The following CSMD1 variants were observed in gnomAD, a reference collection of about 807,000 sequenced individuals.
CSMD1 encodes the protein CUB and Sushi multiple domains 1.
Under a neutral mutation model 417.5 loss-of-function variants are expected in CSMD1, and 213 were observed. The ratio of observed to expected loss-of-function variants is 0.51; its 90% CI spans 0.46 to 0.57. The LOEUF (loss-of-function observed/expected upper bound fraction) is 0.57. Among genes scored for constraint, CSMD1 ranks in the 20% least tolerant of loss-of-function variants. The probability of loss-of-function intolerance (pLI) is 0.00; values close to 1 mark genes in which losing one functional copy is unlikely to be tolerated. For synonymous variants in CSMD1, 2,862 were observed against 1,736.8 expected (o/e 1.65, Z -16.11); for missense variants, 6,923 against 4,529.7 (o/e 1.53, Z -15.17).
chr8:3,127,184 G>A (rs1449908389), intron 41 of CSMD1, among the ~76,000 whole-genome samples: 1 of 152,080 alleles, frequency 6.6e-6, no homozygotes, highest in Non-Finnish European at 1.5e-5. Context: ...GCGGGGATGG[G>A]GATTGCTACA....
At chr8:4,150,166 T>C (rs1425856024) in intron 3 of CSMD1, among the ~76,000 whole-genome samples, 1 of 152,146 alleles carries the variant, frequency 6.6e-6, no homozygotes, top group African/African-American at 2.4e-5. Flanking sequence ...ATAGACAAAA[T>C]CCAGGTATGT....
At chr8:4,435,279 C>T (rs1211396501) in intron 2 of CSMD1, among the ~76,000 whole-genome samples, 1 of 152,168 alleles carries the variant, frequency 6.6e-6, no homozygotes, top group Non-Finnish European at 1.5e-5. Context: ...AATCCACCTA[C>T]TGTTCACAAA....
At chr8:3,633,006 T>C (rs1272244890) in intron 7 of CSMD1, among the ~76,000 whole-genome samples, 1 of 152,240 alleles carries the variant, frequency 6.6e-6, no homozygotes, top group Non-Finnish European at 1.5e-5. Context: ...GAGAGATATG[T>C]TTCCTCAGTG....
chr8:4,910,777 AT>A, intron 1 of CSMD1, among the ~76,000 whole-genome samples: 2 of 152,372 alleles, frequency 1.3e-5, no homozygotes, highest in Non-Finnish European at 2.9e-5. Context: ...CAAGGACCTT[AT>A]AAGGTGGGAA....
At chr8:4,984,940 T>G (rs576915853) in intron 1 of CSMD1, among the ~76,000 whole-genome samples, 1 of 152,152 alleles carries the variant, frequency 6.6e-6, no homozygotes, top group Non-Finnish European at 1.5e-5. Context: ...GGAAGACCAC[T>G]GGCAAAGTCA....
At chr8:4,028,014 G>C (rs1161516098) in intron 4 of CSMD1, among the ~76,000 whole-genome samples, 1 of 152,194 alleles carries the variant, frequency 6.6e-6, no homozygotes, top group Non-Finnish European at 1.5e-5. Context: ...AGAACAGTCT[G>C]TGGAAAGCAG....
intron 3 of CSMD1, among the ~76,000 whole-genome samples, chr8:4,161,016 G>C (rs983261194): frequency 2.0e-5 from 3 of 151,896 alleles, no homozygotes; most frequent in Non-Finnish European, 4.4e-5. Context: ...TCTTCTTCTG[G>C]TTTGCATTAA....
intron 3 of CSMD1, among the ~76,000 whole-genome samples, chr8:4,387,067 A>T (rs998042891): frequency 3.3e-5 from 5 of 152,186 alleles, no homozygotes; most frequent in African/African-American, 1.2e-4. Flanking sequence ...CATAAAACGG[A>T]TGCACAGAAT....
At chr8:4,391,169 A>AC (rs1460112315) in intron 3 of CSMD1, among the ~76,000 whole-genome samples, 1 of 152,168 alleles carries the variant, frequency 6.6e-6, no homozygotes, top group Non-Finnish European at 1.5e-5. Flanking sequence ...TATGGCAAGA[A>AC]CTATTCTTCA....
intron 10 of CSMD1, among the ~76,000 whole-genome samples, chr8:3,536,803 C>A (rs1442585489): frequency 6.6e-6 from 1 of 152,172 alleles, no homozygotes; most frequent in East Asian, 1.9e-4. Context: ...ACCGGGAATG[C>A]TGTTAGGTTT....
chr8:4,671,938 A>C (rs545595944), intron 1 of CSMD1, among the ~76,000 whole-genome samples: 2 of 152,316 alleles, frequency 1.3e-5, no homozygotes, highest in Non-Finnish European at 2.9e-5. Context: ...CAGCTTTCTC[A>C]GTAGGGAGCA....
intron 3 of CSMD1, among the ~76,000 whole-genome samples, chr8:4,257,053 T>A (rs1281970494): frequency 6.6e-6 from 1 of 152,172 alleles, no homozygotes; most frequent in Non-Finnish European, 1.5e-5. Flanking sequence ...GCCTGTGTCA[T>A]CATTTTAAAA....
At chr8:3,478,768 C>A (rs1205869196) in intron 11 of CSMD1, among the ~76,000 whole-genome samples, 1 of 152,120 alleles carries the variant, frequency 6.6e-6, no homozygotes, top group Non-Finnish European at 1.5e-5. Context: ...CCAAGGAAGT[C>A]TTCATGTTCC....
chr8:4,817,985 T>A (rs933453910), intron 1 of CSMD1, among the ~76,000 whole-genome samples: 1 of 152,318 alleles, frequency 6.6e-6, no homozygotes, highest in East Asian at 1.9e-4. Flanking sequence ...AAATTTCACA[T>A]TGAGGTATTA....
rs142922130 is a variant in CSMD1, at chr8:3,457,186, G to A, written c.1561+11526C>T. On this transcript the variant is annotated intron_variant, in intron 12 of 69. Coordinates refer to ENST00000635120, the MANE Select transcript of CSMD1 (RefSeq NM_033225.6). Reference sequence around the variant, plus strand: ...TACCTCTCTTCCTGGACTCCTCATCGTGGACTCCTAACCTGGACCCCCTCA... The same window carrying A: ...TACCTCTCTTCCTGGACTCCTCATCATGGACTCCTAACCTGGACCCCCTCA... 4.6e-4 allele frequency among the ~76,000 whole-genome samples: 69 copies of A among 150,638 alleles called. 1 individual carries two copies. Among genetic ancestry groups the A allele is most frequent in the Admixed American group, 8.6e-4 (13 of 15,104 alleles).
intron 25 of CSMD1, among the ~76,000 whole-genome samples, chr8:3,296,003 C>G (rs1271577168): frequency 6.6e-6 from 1 of 152,038 alleles, no homozygotes. Context: ...AGGCAAACCA[C>G]AGCATCCACA....
chr8:4,119,629 C>T (rs564352873), intron 3 of CSMD1, among the ~76,000 whole-genome samples: 2 of 152,088 alleles, frequency 1.3e-5, no homozygotes, highest in African/African-American at 4.8e-5. Flanking sequence ...TCTGTCTGTG[C>T]TCTGTGAGGA....
intron 66 of CSMD1, 66 bp from the exon 67 acceptor site, chr8:2,950,409 T>C: frequency 1.1e-6 from 1 of 920,920 alleles, no homozygotes; most frequent in Non-Finnish European, 1.8e-6. Flanking sequence ...TTTAATCCAT[T>C]TGATGTGGAA....
chr8:4,985,292 C>G (rs139659443), intron 1 of CSMD1, among the ~76,000 whole-genome samples: 4 of 151,978 alleles, frequency 2.6e-5, no homozygotes, highest in Non-Finnish European at 5.9e-5. Context: ...ATGATATAAT[C>G]GGTACAACAA....
Sources: allele counts gnomAD v4.1 joint callset (sites outside exome capture counted in the v4.1 genomes callset), GRCh38; gene constraint gnomAD v4.1.1; transcripts MANE v1.5; gene names NCBI Gene and HGNC (gene_info 2026-07-23, HGNC 2026-07-21).